EPB41L2: variants seen among roughly 807,000 people sequenced by gnomAD.
EPB41L2 encodes the protein erythrocyte membrane protein band 4.1 like 2.
EPB41L2 carries 43 observed loss-of-function variants against 113.0 expected under a neutral mutation model. The ratio of observed to expected loss-of-function variants is 0.38; its 90% CI spans 0.30 to 0.49. EPB41L2 has a LOEUF of 0.49. Ranked by LOEUF, EPB41L2 falls within the 20% of genes least tolerant of loss-of-function variation. EPB41L2 has a pLI of 0.95. For synonymous variants in EPB41L2, 442 were observed against 436.7 expected (o/e 1.01, Z -0.15); for missense variants, 1,147 against 1,223.4 (o/e 0.94, Z 0.93).
At chr6:130,895,252 T>A in intron 8 of EPB41L2, 133 bp from the exon 9 acceptor site, 3 of 977,412 alleles carry the variant, frequency 3.1e-6, no homozygotes, top group Non-Finnish European at 4.5e-6. Context: ...TAGTGACAAG[T>A]ACGCACGTTA....
chr6:131,025,765 C>T (rs934321223), intron 1 of EPB41L2, among the ~76,000 whole-genome samples: 10 of 152,128 alleles, frequency 6.6e-5, no homozygotes, highest in East Asian at 1.9e-4. Flanking sequence ...ATGGAAATAC[C>T]GTACAAGCAG....
At chr6:130,852,664 G>C (rs972762874) in intron 19 of EPB41L2, among the ~76,000 whole-genome samples, 2 of 152,106 alleles carry the variant, frequency 1.3e-5, no homozygotes, top group Non-Finnish European at 2.9e-5. Flanking sequence ...TCACAAAGAA[G>C]GTAAGTTACA....
intron 1 of EPB41L2, among the ~76,000 whole-genome samples, chr6:130,989,968 C>T (rs7761311): frequency 0.49 from 74,423 of 152,042 alleles, 19,525 homozygotes; most frequent in East Asian, 0.92. Context: ...TGGAGGCAAG[C>T]TAATGAGTTC....
At chr6:130,847,604 C>T (rs1777425518) in intron 19 of EPB41L2, among the ~76,000 whole-genome samples, 1 of 152,148 alleles carries the variant, frequency 6.6e-6, no homozygotes, top group African/African-American at 2.4e-5. Context: ...CTCTCATCTG[C>T]CAATTTTCTT....
chr6:130,874,975 TA>T (rs1787039219), intron 14 of EPB41L2, among the ~76,000 whole-genome samples: 1 of 152,238 alleles, frequency 6.6e-6, no homozygotes, highest in Admixed American at 6.5e-5. Context: ...AAGCATGTGA[TA>T]TTAAAGTCCT....
intron 1 of EPB41L2, among the ~76,000 whole-genome samples, chr6:131,033,341 G>A (rs372399445): frequency 1.3e-5 from 2 of 152,128 alleles, no homozygotes; most frequent in African/African-American, 4.8e-5. Context: ...ATGAGTTGCT[G>A]GCAGGAATAT....
At chr6:131,040,017 T>A (rs1419697709) in intron 1 of EPB41L2, among the ~76,000 whole-genome samples, 1 of 152,136 alleles carries the variant, frequency 6.6e-6, no homozygotes, top group Non-Finnish European at 1.5e-5. Context: ...CCTAATGAAA[T>A]TGAAGAAATA....
chr6:130,897,520 A>G (rs1795013250), intron 8 of EPB41L2, among the ~76,000 whole-genome samples: 1 of 152,188 alleles, frequency 6.6e-6, no homozygotes, highest in Admixed American at 6.5e-5. Context: ...GAATCCTGAA[A>G]CCTTACATAC....
chr6:130,938,206 T>C (rs1809547438), intron 3 of EPB41L2, among the ~76,000 whole-genome samples: 1 of 152,236 alleles, frequency 6.6e-6, no homozygotes, highest in Non-Finnish European at 1.5e-5. Flanking sequence ...GATTCTTGAA[T>C]TTGATGACAA....
chr6:130,950,308 A>G (rs1023067369), intron 3 of EPB41L2, among the ~76,000 whole-genome samples: 1 of 152,080 alleles, frequency 6.6e-6, no homozygotes, highest in Non-Finnish European at 1.5e-5. Context: ...TTGGGAAAAA[A>G]TATATAATGG....
intron 1 of EPB41L2, among the ~76,000 whole-genome samples, chr6:130,957,631 A>T (rs1247023458): frequency 1.8e-4 from 8 of 44,966 alleles, no homozygotes; most frequent in Non-Finnish European, 2.8e-4. Context: ...CCCATCTCTT[A>T]AAAAAAAAAA....
intron 1 of EPB41L2, among the ~76,000 whole-genome samples, chr6:131,040,340 G>A (rs1037709417): frequency 2.6e-5 from 4 of 152,158 alleles, no homozygotes; most frequent in African/African-American, 9.7e-5. Context: ...TTGGGAGGCT[G>A]AGGCATGAGA....
chr6:130,967,552 A>AT lies in EPB41L2; in HGVS notation c.-14-11054dup, dbSNP rs200443462. ...ATAGAGTTCTCTGAAAGTTGGGGAC[A>AT]TTTTTTTTTAAAGGCAGAGTAAACA... On this transcript the variant is annotated intron_variant, in intron 1 of 19. Transcript: ENST00000337057. Among the ~76,000 whole-genome samples the AT allele has an allele frequency of 5.9e-3, 887 of 151,504 alleles. 6 individuals carry two copies. The highest frequency in any genetic ancestry group is 0.01 in the Non-Finnish European group (704 of 67,750).
chr6:130,904,481 T>C lies in EPB41L2; in HGVS notation c.913A>G (p.Thr305Ala), dbSNP rs1238352045. 2 of 1,593,692 alleles carry C rather than the reference T, an allele frequency of 1.3e-6. No individual in the cohort carries two copies. Among genetic ancestry groups the C allele is most frequent in the Non-Finnish European group, 1.7e-6 (2 of 1,166,746 alleles). ...ATAAAGTACCTGGTGATATCTTCAG[T>C]CAATTGAGAAGGATCAGGAGGATAA... Reference protein sequence around the residue: ...KFYPPDPSQLTEDITRYFLCL... With the variant: ...KFYPPDPSQLAEDITRYFLCL... The change falls in exon 6 of 20, where the codon ACT becomes GCT. Residue 305 changes from threonine to alanine, a missense_variant. Physicochemically the swap from Thr to Ala is moderately conservative, Grantham distance 58 (BLOSUM62 0). Transcript: ENST00000337057.
chr6:130,983,903 C>A (rs1779937485), intron 1 of EPB41L2, among the ~76,000 whole-genome samples: 2 of 152,072 alleles, frequency 1.3e-5, no homozygotes, highest in Non-Finnish European at 2.9e-5. Context: ...AATGAATTAA[C>A]CTTAGCTGTC....
At position 130,978,323 on chromosome 6, in the gene EPB41L2, C is replaced by A. The variant is rs149758409; in HGVS notation, c.-14-21824G>T. 3.6e-4 allele frequency among the ~76,000 whole-genome samples: 55 copies of A among 152,312 alleles called. 1 individual carries two copies. Among genetic ancestry groups the A allele is most frequent in the African/African-American group, 1.2e-3 (51 of 41,568 alleles). On this transcript the variant is annotated intron_variant, in intron 1 of 19. Coordinates refer to ENST00000337057, the MANE Select transcript of EPB41L2 (RefSeq NM_001431.4). ...GGGGAGGTACAGCCCCAATCTGGGG[C>A]CCTCTCCTCACTTCACCTGTCTCAC...
chr6:130,871,655 C>T (rs73775327), intron 14 of EPB41L2, among the ~76,000 whole-genome samples: 2,572 of 152,256 alleles, frequency 0.017, 57 homozygotes, highest in African/African-American at 0.047. Flanking sequence ...TTCATTGACC[C>T]AAATTAATAC....
chr6:131,013,900 A>C (rs1346956293), intron 1 of EPB41L2, among the ~76,000 whole-genome samples: 2 of 152,188 alleles, frequency 1.3e-5, no homozygotes, highest in Admixed American at 1.3e-4. Flanking sequence ...CAACATTTGA[A>C]ATTTATAGGA....
intron 3 of EPB41L2, among the ~76,000 whole-genome samples, chr6:130,934,863 T>C (rs1051135810): frequency 5.3e-5 from 8 of 151,890 alleles, no homozygotes; most frequent in African/African-American, 1.7e-4. Context: ...AGGAAAACTT[T>C]GTATATACGT....
Sources: allele counts gnomAD v4.1 joint callset (sites outside exome capture counted in the v4.1 genomes callset), GRCh38; gene constraint gnomAD v4.1.1; transcripts MANE v1.5; gene names NCBI Gene and HGNC (gene_info 2026-07-23, HGNC 2026-07-21).